DYNC2I2: variants seen among roughly 807,000 people sequenced by gnomAD.
DYNC2I2 encodes dynein 2 intermediate chain 2.
Under a neutral mutation model 52.0 loss-of-function variants are expected in DYNC2I2, and 39 were observed. That is an observed-to-expected ratio of 0.75 (90% CI 0.58 to 0.98). The LOEUF is 0.98. Among genes scored for constraint, DYNC2I2 ranks in the 50% least tolerant of loss-of-function variants. The pLI, the probability that DYNC2I2 is intolerant of heterozygous loss-of-function variation, is 0.00. For missense variants in DYNC2I2, 743 were observed against 728.4 expected (o/e 1.02, Z -0.23); for synonymous variants, 359 against 321.1 (o/e 1.12, Z -1.26).
chr9:128,636,025 C>T, intron 4 of DYNC2I2: 4 of 713,598 alleles, frequency 5.6e-6, no homozygotes, highest in Middle Eastern at 3.9e-4. Context: ...TGACGGCTTC[C>T]CAAGGGCACC....
chr9:128,643,526 CAAA>C (rs539379955), intron 1 of DYNC2I2, among the ~76,000 whole-genome samples: 2 of 108,822 alleles, frequency 1.8e-5, no homozygotes, highest in Admixed American at 9.7e-5. Flanking sequence ...GACTCCATCT[CAAA>C]AAAAAAAAAA....
chr9:128,644,035 A>C (rs922628563), intron 1 of DYNC2I2, among the ~76,000 whole-genome samples: 11 of 152,166 alleles, frequency 7.2e-5, no homozygotes, highest in Non-Finnish European at 1.5e-4. Flanking sequence ...CCAAGATGCA[A>C]GGGGACTAAG....
At chr9:128,649,450 A>G (rs941734914) in intron 1 of DYNC2I2, among the ~76,000 whole-genome samples, 2 of 149,874 alleles carry the variant, frequency 1.3e-5, no homozygotes, top group African/African-American at 4.8e-5. Flanking sequence ...GCACTTTGGG[A>G]GGCCAAGGTG....
intron 1 of DYNC2I2, 106 bp downstream of exon 1, chr9:128,656,435 C>A: frequency 9.9e-7 from 1 of 1,014,750 alleles, no homozygotes; most frequent in Non-Finnish European, 1.2e-6. Context: ...GGTGGGACGC[C>A]CGAACCCGCC....
upstream of DYNC2I2, among the ~76,000 whole-genome samples, chr9:128,659,096 C>G (rs371654436): frequency 6.6e-6 from 1 of 151,866 alleles, no homozygotes; most frequent in Non-Finnish European, 1.5e-5. Flanking sequence ...CTGTACCCAC[C>G]CTCTCTCCAC....
chr9:128,660,896 A>G (rs1381265755), upstream of DYNC2I2, among the ~76,000 whole-genome samples: 1 of 147,196 alleles, frequency 6.8e-6, no homozygotes, highest in Non-Finnish European at 1.5e-5. Context: ...CACCCGGCTA[A>G]TTTTTGTATT....
At chr9:128,645,443 C>T (rs974041933) in intron 1 of DYNC2I2, among the ~76,000 whole-genome samples, 3 of 134,064 alleles carry the variant, frequency 2.2e-5, no homozygotes, top group Admixed American at 7.2e-5. Context: ...AAGAGTGAAA[C>T]TCTGTCTCAA....
At chr9:128,646,133 G>A (rs529613006) in intron 1 of DYNC2I2, among the ~76,000 whole-genome samples, 80 of 152,338 alleles carry the variant, frequency 5.3e-4, no homozygotes, top group African/African-American at 1.8e-3. Context: ...GGAGAAGCCG[G>A]AGCAAGTTCT....
chr9:128,680,757 C>T, the DYNC2I2 span, among the ~76,000 whole-genome samples: 6 of 152,028 alleles, frequency 3.9e-5, no homozygotes, highest in Non-Finnish European at 8.8e-5. Context: ...TCACTGCAAC[C>T]TCCACCTTCT....
At chr9:128,681,600 C>G in the DYNC2I2 span, among the ~76,000 whole-genome samples, 5 of 152,158 alleles carry the variant, frequency 3.3e-5, no homozygotes, top group African/African-American at 9.7e-5. Context: ...TACCATTGCT[C>G]GGTCACAAAG....
chr9:128,646,490 T>C (rs1327244196), intron 1 of DYNC2I2, among the ~76,000 whole-genome samples: 5 of 151,548 alleles, frequency 3.3e-5, no homozygotes, highest in Admixed American at 6.6e-5. Context: ...ATTACAGGCA[T>C]GAGCCACCTG....
chr9:128,642,912 G>C (rs1028735681), intron 1 of DYNC2I2, among the ~76,000 whole-genome samples: 1 of 152,156 alleles, frequency 6.6e-6, no homozygotes, highest in African/African-American at 2.4e-5. Flanking sequence ...AATCCACACA[G>C]CACTGAGCAC....
At chr9:128,648,222 C>T (rs967016052) in intron 1 of DYNC2I2, among the ~76,000 whole-genome samples, 1 of 151,612 alleles carries the variant, frequency 6.6e-6, no homozygotes, top group Admixed American at 6.6e-5. Flanking sequence ...CCCTGGCCAA[C>T]ATGGCAAAAT....
chr9:128,669,171 C>A, the DYNC2I2 span, among the ~76,000 whole-genome samples: 2 of 152,010 alleles, frequency 1.3e-5, no homozygotes, highest in African/African-American at 2.4e-5. Flanking sequence ...CAAGACCATC[C>A]TGGCTAACAC....
chr9:128,683,140 G>A, the DYNC2I2 span, among the ~76,000 whole-genome samples: 1 of 151,952 alleles, frequency 6.6e-6, no homozygotes, highest in African/African-American at 2.4e-5. Context: ...GATTACAGGT[G>A]CCCACCACCA....
At chr9:128,645,004 GTCTC>G (rs538009827) in intron 1 of DYNC2I2, among the ~76,000 whole-genome samples, 7 of 151,828 alleles carry the variant, frequency 4.6e-5, no homozygotes, top group East Asian at 3.9e-4. Flanking sequence ...GCTGTTGCCT[GTCTC>G]TCTCTCTCTC....
At chr9:128,657,205 C>G (rs558200970), upstream of DYNC2I2, among the ~76,000 whole-genome samples, 4 of 152,268 alleles carry the variant, frequency 2.6e-5, no homozygotes, top group East Asian at 7.7e-4. Context: ...CAGTCTCTGT[C>G]TCAATAGAAT....
At chr9:128,639,303 C>G (rs1487345825) in intron 2 of DYNC2I2, among the ~76,000 whole-genome samples, 3 of 151,948 alleles carry the variant, frequency 2.0e-5, no homozygotes, top group Non-Finnish European at 2.9e-5. Flanking sequence ...GAGGCTGAGA[C>G]AGGAGAATTG....
chr9:128,644,580 A>G (rs1478255535), intron 1 of DYNC2I2, among the ~76,000 whole-genome samples: 1 of 152,064 alleles, frequency 6.6e-6, no homozygotes, highest in East Asian at 1.9e-4. Context: ...CACCTGTCCA[A>G]CCTGACTTGC....
Sources: allele counts gnomAD v4.1 joint callset (sites outside exome capture counted in the v4.1 genomes callset), GRCh38; gene constraint gnomAD v4.1.1; transcripts MANE v1.5; gene names NCBI Gene and HGNC (gene_info 2026-07-23, HGNC 2026-07-21).